RALA: variants seen among roughly 807,000 people sequenced by gnomAD.
The protein encoded by RALA is RAS like proto-oncogene A.
A neutral mutation model predicts 24.0 loss-of-function variants in RALA; 5 were observed. The observed-to-expected ratio is 0.21, with a 90% CI of 0.11 to 0.44. The LOEUF (loss-of-function observed/expected upper bound fraction) is 0.44, where lower values mean the gene tolerates loss of function less well. Ranked by LOEUF, RALA falls within the 20% of genes least tolerant of loss-of-function variation. The pLI is 0.99. For synonymous variants in RALA, 77 were observed against 83.8 expected (o/e 0.92, Z 0.44); for missense variants, 95 against 241.2 (o/e 0.39, Z 4.01).
chr7:39,637,398 A>G (rs1297901821), intron 1 of RALA, among the ~76,000 whole-genome samples: 2 of 152,368 alleles, frequency 1.3e-5, no homozygotes, highest in East Asian at 1.9e-4. Flanking sequence ...CCTTCATTCA[A>G]CAATTCTTTT....
chr7:39,628,697 A>T (rs1305454664), intron 1 of RALA, among the ~76,000 whole-genome samples: 3 of 152,190 alleles, frequency 2.0e-5, no homozygotes, highest in African/African-American at 4.8e-5. Context: ...CTGGGATTAC[A>T]GGCACGCGGC....
chr7:39,687,376 G>A (rs1426913007), intron 2 of RALA, among the ~76,000 whole-genome samples: 1 of 151,328 alleles, frequency 6.6e-6, no homozygotes, highest in Non-Finnish European at 1.5e-5. Context: ...GCAGTGAGCC[G>A]AGATCGCGCC....
intron 1 of RALA, among the ~76,000 whole-genome samples, chr7:39,681,184 C>G (rs965625367): frequency 6.6e-6 from 1 of 151,092 alleles, no homozygotes; most frequent in Non-Finnish European, 1.5e-5. Flanking sequence ...AGCAGCCAAA[C>G]AAAAAGCCCT....
intron 1 of RALA, among the ~76,000 whole-genome samples, chr7:39,637,107 T>C (rs1330958474): frequency 7.9e-5 from 12 of 152,218 alleles, no homozygotes; most frequent in Non-Finnish European, 1.0e-4. Flanking sequence ...ATAGAATGTT[T>C]AAGAGTAATG....
intron 1 of RALA, among the ~76,000 whole-genome samples, chr7:39,638,760 G>C (rs949546738): frequency 6.6e-6 from 1 of 152,218 alleles, no homozygotes. Context: ...TTGTTTATCT[G>C]TTTATCAGTT....
intron 1 of RALA, among the ~76,000 whole-genome samples, chr7:39,675,161 A>G (rs1792462222): frequency 6.6e-6 from 1 of 152,176 alleles, no homozygotes; most frequent in Non-Finnish European, 1.5e-5. Context: ...ATGTGGAACC[A>G]TTTTGCTGCT....
chr7:39,627,124 G>T (rs1479035283), intron 1 of RALA, among the ~76,000 whole-genome samples: 6 of 150,370 alleles, frequency 4.0e-5, no homozygotes, highest in African/African-American at 1.5e-4. Context: ...ACAGCTGATT[G>T]TCTGGCCCCC....
chr7:39,632,150 G>A (rs1010524117), intron 1 of RALA, among the ~76,000 whole-genome samples: 2 of 152,204 alleles, frequency 1.3e-5, no homozygotes, highest in Non-Finnish European at 1.5e-5. Context: ...CCCCGACTAG[G>A]CCCGCCTCCA....
At chr7:39,655,606 G>A (rs1428931784) in intron 1 of RALA, among the ~76,000 whole-genome samples, 1 of 151,722 alleles carries the variant, frequency 6.6e-6, no homozygotes. Flanking sequence ...TTTTCATACT[G>A]TAACTCCAGT....
chr7:39,696,870 A>T lies in RALA; in HGVS notation c.498+11A>T. Reference sequence around the variant, plus strand: ...GCTAATGTTGACAAGGTAACACGTGACTCTTTACTACTGCATCATGTTAAA... The same window carrying T: ...GCTAATGTTGACAAGGTAACACGTGTCTCTTTACTACTGCATCATGTTAAA... On this transcript the variant is annotated intron_variant, in intron 4 of 4. Coordinates refer to ENST00000005257, the MANE Select transcript of RALA (RefSeq NM_005402.4). 6.3e-7 allele frequency: 1 copy of T among 1,599,858 alleles called. No homozygotes were observed. The highest frequency in any genetic ancestry group is 1.1e-5 in the South Asian group (1 of 88,092).
At chr7:39,657,008 C>T (rs1398080088) in intron 1 of RALA, among the ~76,000 whole-genome samples, 1 of 152,134 alleles carries the variant, frequency 6.6e-6, no homozygotes, top group Non-Finnish European at 1.5e-5. Context: ...TGCTCGGTCA[C>T]CCAGGCTGGA....
At chr7:39,664,688 A>G (rs764662993) in intron 1 of RALA, among the ~76,000 whole-genome samples, 1 of 152,180 alleles carries the variant, frequency 6.6e-6, no homozygotes, top group Non-Finnish European at 1.5e-5. Context: ...TGTGAAAGCC[A>G]TTAAGCCCCA....
intron 1 of RALA, among the ~76,000 whole-genome samples, chr7:39,624,581 CA>C (rs546123046): frequency 3.9e-5 from 6 of 152,246 alleles, no homozygotes; most frequent in Admixed American, 6.5e-5. Context: ...TGACGGCACA[CA>C]GGGGTGGCAG....
intron 4 of RALA, among the ~76,000 whole-genome samples, chr7:39,699,036 C>G (rs1219968204): frequency 6.7e-6 from 1 of 149,678 alleles, no homozygotes; most frequent in East Asian, 2.0e-4. Context: ...TATAGAAAAA[C>G]AGGAACCTCT....
At chr7:39,627,609 G>A (rs757950658) in intron 1 of RALA, among the ~76,000 whole-genome samples, 5 of 152,178 alleles carry the variant, frequency 3.3e-5, no homozygotes, top group Non-Finnish European at 7.3e-5. Flanking sequence ...AGATCCCCCA[G>A]TTTCCAAAAG....
Position 39,664,858 on chromosome 7 carries a change from A to G in RALA, c.-37-21773A>G, listed in dbSNP as rs75462489. Among the ~76,000 whole-genome samples, 330 of 152,208 alleles carry G rather than the reference A, an allele frequency of 2.2e-3. 1 individual carries two copies. The highest frequency in any genetic ancestry group is 7.2e-3 in the African/African-American group (298 of 41,550). On this transcript the variant is annotated intron_variant, in intron 1 of 4. Coordinates refer to ENST00000005257, the MANE Select transcript of RALA (RefSeq NM_005402.4). ...ACAAAAGTCTGCTTGATAGAGATCA[A>G]TGCTTCTGAACTGGTGCCAGGTGAT...
chr7:39,676,007 A>T (rs1487195366), intron 1 of RALA, among the ~76,000 whole-genome samples: 3 of 151,936 alleles, frequency 2.0e-5, no homozygotes, highest in Non-Finnish European at 4.4e-5. Context: ...AGGCAGTCTC[A>T]CTCTGTCACC....
At chr7:39,690,069 A>C (rs1792788975) in intron 2 of RALA, among the ~76,000 whole-genome samples, 1 of 152,218 alleles carries the variant, frequency 6.6e-6, no homozygotes, top group Non-Finnish European at 1.5e-5. Context: ...ACATAGAAAA[A>C]AGACTATTAT....
intron 1 of RALA, among the ~76,000 whole-genome samples, chr7:39,657,560 T>G (rs1285390106): frequency 6.6e-6 from 1 of 152,150 alleles, no homozygotes; most frequent in Non-Finnish European, 1.5e-5. Context: ...GGTCTGGACC[T>G]TCTAAACATT....
Sources: allele counts gnomAD v4.1 joint callset (sites outside exome capture counted in the v4.1 genomes callset), GRCh38; gene constraint gnomAD v4.1.1; transcripts MANE v1.5; gene names NCBI Gene and HGNC (gene_info 2026-07-23, HGNC 2026-07-21).